CTNNA3: variants seen among roughly 807,000 people sequenced by gnomAD.
CTNNA3 encodes the protein catenin alpha-3.
Under a neutral mutation model 95.7 loss-of-function variants are expected in CTNNA3, and 76 were observed. That is an observed-to-expected ratio of 0.79 (90% CI 0.66 to 0.96). The LOEUF (loss-of-function observed/expected upper bound fraction) is 0.96, where lower values mean the gene tolerates loss of function less well. Among genes scored for constraint, CTNNA3 ranks in the 40% least tolerant of loss-of-function variants. CTNNA3 has a pLI of 0.00. For missense variants in CTNNA3, 1,191 were observed against 1,089.8 expected (o/e 1.09, Z -1.31); for synonymous variants, 431 against 374.4 (o/e 1.15, Z -1.74).
intron 2 of CTNNA3, among the ~76,000 whole-genome samples, chr10:67,624,113 C>A (rs903142835): frequency 6.6e-6 from 1 of 152,126 alleles, no homozygotes; most frequent in Non-Finnish European, 1.5e-5. Context: ...TGAGCCACTG[C>A]GCCCAGCCGA....
chr10:67,388,871 G>C (rs1002029333), intron 5 of CTNNA3, among the ~76,000 whole-genome samples: 3 of 152,160 alleles, frequency 2.0e-5, no homozygotes, highest in Non-Finnish European at 4.4e-5. Context: ...GAGAGATTTT[G>C]TCACCACCAG....
chr10:66,331,605 T>C (rs1287937760), intron 12 of CTNNA3, among the ~76,000 whole-genome samples: 2 of 151,894 alleles, frequency 1.3e-5, no homozygotes, highest in East Asian at 1.9e-4. Flanking sequence ...AAATATCAGA[T>C]AGTTGTAGAT....
intron 10 of CTNNA3, among the ~76,000 whole-genome samples, chr10:66,561,306 A>T (rs1299575423): frequency 6.6e-6 from 1 of 152,082 alleles, no homozygotes; most frequent in Non-Finnish European, 1.5e-5. Context: ...ACAATGGGCA[A>T]ACATACTGGA....
intron 2 of CTNNA3, among the ~76,000 whole-genome samples, chr10:67,614,093 C>T (rs891377166): frequency 6.6e-6 from 1 of 152,158 alleles, no homozygotes. Context: ...GAGTGGCCAG[C>T]TTTTATTCCC....
intron 5 of CTNNA3, among the ~76,000 whole-genome samples, chr10:67,397,238 G>T (rs1376799783): frequency 6.6e-6 from 1 of 152,112 alleles, no homozygotes; most frequent in East Asian, 1.9e-4. Context: ...GGAAGGTGTG[G>T]GAAAGTTTGG....
chr10:66,578,538 C>G (rs757456950), intron 10 of CTNNA3, among the ~76,000 whole-genome samples: 54 of 151,900 alleles, frequency 3.6e-4, no homozygotes, highest in Non-Finnish European at 1.5e-4. Flanking sequence ...GAATGTTCAA[C>G]TGTATCAAAG....
chr10:66,216,927 T>C lies in CTNNA3; in HGVS notation c.1884+63543A>G, dbSNP rs529567899. ...CATCACCACAGCTAAAATACAGACC[T>C]ATTCCTTATCACGAAGATCTCCCTC... is the stretch of plus-strand genomic sequence containing the variant. On this transcript the variant is annotated intron_variant, in intron 13 of 17. Coordinates refer to ENST00000433211, the MANE Select transcript of CTNNA3 (RefSeq NM_013266.4). 7.2e-4 allele frequency among the ~76,000 whole-genome samples: 109 copies of C among 152,262 alleles called. 1 individual carries two copies. In the South Asian group the frequency reaches 9.5e-3, roughly 13 times the overall value.
At chr10:66,145,028 A>G (rs1477829217) in intron 13 of CTNNA3, among the ~76,000 whole-genome samples, 1 of 151,968 alleles carries the variant, frequency 6.6e-6, no homozygotes, top group African/African-American at 2.4e-5. Flanking sequence ...CTTCTATATT[A>G]TGCATATACA....
At chr10:66,844,021 G>C (rs1299402538) in intron 7 of CTNNA3, among the ~76,000 whole-genome samples, 1 of 152,214 alleles carries the variant, frequency 6.6e-6, no homozygotes, top group Admixed American at 6.5e-5. Context: ...TCTGGATCCA[G>C]AGAGCCCTGT....
chr10:66,085,155 G>A (rs1384878042), intron 14 of CTNNA3: 2 of 152,060 alleles, frequency 1.3e-5, no homozygotes, highest in African/African-American at 4.8e-5. Context: ...AAAAAAGAGA[G>A]TTTAAAAGAT....
chr10:66,772,227 C>A (rs1259676822), intron 8 of CTNNA3, among the ~76,000 whole-genome samples: 1 of 151,990 alleles, frequency 6.6e-6, no homozygotes, highest in African/African-American at 2.4e-5. Flanking sequence ...AGTTCGAGAC[C>A]AGCCTGGCCA....
intron 5 of CTNNA3, among the ~76,000 whole-genome samples, chr10:67,323,486 T>C (rs1841410639): frequency 6.6e-6 from 1 of 152,210 alleles, no homozygotes; most frequent in Non-Finnish European, 1.5e-5. Flanking sequence ...CTTTCTCTAT[T>C]GCTTGTTTTT....
intron 10 of CTNNA3, among the ~76,000 whole-genome samples, chr10:66,602,975 C>T (rs141804959): frequency 3.9e-5 from 6 of 152,022 alleles, no homozygotes; most frequent in African/African-American, 9.6e-5. Flanking sequence ...TGTGACAAAC[C>T]TATAGCAATC....
Position 66,619,171 on chromosome 10 carries a change from G to T in CTNNA3, c.1374+2521C>A, listed in dbSNP as rs539904748. ...AGTGTGGTGATTCCTCAGGGATCTA[G>T]AACTAGAAATACCATTTGACCCAGC... is the stretch of plus-strand genomic sequence containing the variant. On this transcript the variant is annotated intron_variant, in intron 10 of 17. Transcript: ENST00000433211. 4.4e-3 allele frequency among the ~76,000 whole-genome samples: 662 copies of T among 151,452 alleles called. 4 individuals are homozygous for T. Among genetic ancestry groups the T allele is most frequent in the African/African-American group, 0.015 (632 of 41,314 alleles).
intron 9 of CTNNA3, among the ~76,000 whole-genome samples, chr10:66,719,773 T>C (rs1313656545): frequency 1.3e-5 from 2 of 152,178 alleles, no homozygotes; most frequent in East Asian, 3.9e-4. Context: ...AGAGATCTTC[T>C]TGAGTTGGCA....
chr10:67,313,431 C>T (rs1469056019), intron 5 of CTNNA3, among the ~76,000 whole-genome samples: 1 of 146,714 alleles, frequency 6.8e-6, no homozygotes. Flanking sequence ...GAATCCGTCT[C>T]AAAAAAAAAA....
At chr10:66,050,044 C>A (rs2079914823) in intron 15 of CTNNA3, among the ~76,000 whole-genome samples, 1 of 152,026 alleles carries the variant, frequency 6.6e-6, no homozygotes, top group Non-Finnish European at 1.5e-5. Context: ...TTTGGTATTA[C>A]AATATATTAT....
chr10:66,965,517 G>C (rs532219434), intron 7 of CTNNA3, among the ~76,000 whole-genome samples: 3 of 146,520 alleles, frequency 2.0e-5, no homozygotes, highest in African/African-American at 7.5e-5. Context: ...CCTGGCGACA[G>C]AGCAAGACTC....
chr10:67,214,040 A>T (rs556261248), intron 6 of CTNNA3, among the ~76,000 whole-genome samples: 1 of 151,910 alleles, frequency 6.6e-6, no homozygotes, highest in Non-Finnish European at 1.5e-5. Context: ...TGTTTTTATA[A>T]ACAGCATATA....
Sources: allele counts gnomAD v4.1 joint callset (sites outside exome capture counted in the v4.1 genomes callset), GRCh38; gene constraint gnomAD v4.1.1; transcripts MANE v1.5; gene names NCBI Gene and HGNC (gene_info 2026-07-23, HGNC 2026-07-21).